The following KLHL32 variants were observed in gnomAD, a reference collection of about 807,000 sequenced individuals.
The protein encoded by KLHL32 is kelch-like protein 32.
A neutral mutation model predicts 64.8 loss-of-function variants in KLHL32; 35 were observed. That is an observed-to-expected ratio of 0.54 (90% CI 0.41 to 0.72). KLHL32 has a LOEUF of 0.72. Among genes scored for constraint, KLHL32 ranks in the 30% least tolerant of loss-of-function variants. The pLI, the probability that KLHL32 is intolerant of heterozygous loss-of-function variation, is 0.00. For synonymous variants in KLHL32, 259 were observed against 281.0 expected, an observed-to-expected ratio of 0.92 and a Z score of 0.78; for missense variants, 589 against 768.5, an observed-to-expected ratio of 0.77 and a Z score of 2.76.
In KLHL32 at chr6:97,114,259, CT is replaced by C; in HGVS notation, c.1105del (p.Cys369ValfsTer13). 1.2e-6 allele frequency: 2 copies of C among 1,614,152 alleles called. No individual in the cohort carries two copies. Among genetic ancestry groups the C allele is most frequent in the Non-Finnish European group, 1.7e-6 (2 of 1,180,040 alleles). ...GCCGGACGTGTGCTGTGAGGACTGC[CT>C]GTCGCTATGACCCCCGCAGTAATTC... is the stretch of plus-strand genomic sequence containing the variant. ...SGRTCAVRTA[C>X]RYDPRSNSWA... On this transcript the variant is annotated frameshift_variant, in exon 7 of 11. Coordinates refer to ENST00000369261, the MANE Select transcript of KLHL32 (RefSeq NM_052904.4). LOFTEE classifies it high-confidence loss of function.
chr6:97,056,199 G>T (rs1226675925), intron 4 of KLHL32, among the ~76,000 whole-genome samples: 1 of 143,662 alleles, frequency 7.0e-6, no homozygotes, highest in South Asian at 2.2e-4. Flanking sequence ...TCCGCTTCCC[G>T]GGTTCACGCC....
the KLHL32 span, among the ~76,000 whole-genome samples, chr6:96,915,683 A>G: frequency 6.6e-6 from 1 of 151,746 alleles, no homozygotes; most frequent in South Asian, 2.1e-4. Flanking sequence ...TAATACTCAT[A>G]GAATTTTATT....
chr6:96,993,742 G>T (rs1374178410), intron 3 of KLHL32, among the ~76,000 whole-genome samples: 1 of 152,122 alleles, frequency 6.6e-6, no homozygotes, highest in East Asian at 1.9e-4. Flanking sequence ...AAACAAAGGA[G>T]TTTATCCTCA....
intron 2 of KLHL32, among the ~76,000 whole-genome samples, chr6:96,970,851 ATTATT>A (rs1208087863): frequency 1.3e-5 from 2 of 152,300 alleles, no homozygotes; most frequent in East Asian, 3.9e-4. Context: ...TAGAAATGAA[ATTATT>A]TTATTATAGG....
chr6:96,915,711 A>C, the KLHL32 span, among the ~76,000 whole-genome samples: 1 of 152,324 alleles, frequency 6.6e-6, no homozygotes, highest in Non-Finnish European at 1.5e-5. Context: ...AGAATTAATA[A>C]TGCTCTGTAA....
intron 1 of KLHL32, among the ~76,000 whole-genome samples, chr6:96,937,860 T>C (rs983584446): frequency 6.6e-6 from 1 of 152,204 alleles, no homozygotes; most frequent in African/African-American, 2.4e-5. Context: ...CATGTCACTC[T>C]TCTTTCTAAA....
chr6:96,987,320 C>T (rs751237305), intron 3 of KLHL32, among the ~76,000 whole-genome samples: 7 of 152,098 alleles, frequency 4.6e-5, no homozygotes, highest in Non-Finnish European at 1.0e-4. Context: ...AATTTTAGAT[C>T]TCTCCTGCTT....
At chr6:96,979,420 T>C (rs1319153762) in intron 3 of KLHL32, among the ~76,000 whole-genome samples, 2 of 152,212 alleles carry the variant, frequency 1.3e-5, no homozygotes, top group East Asian at 1.9e-4. Flanking sequence ...CTTGTTTTCA[T>C]TGACTTTGTC....
intron 4 of KLHL32, among the ~76,000 whole-genome samples, chr6:97,062,784 A>G (rs1257817551): frequency 1.3e-5 from 2 of 152,256 alleles, no homozygotes; most frequent in Non-Finnish European, 2.9e-5. Flanking sequence ...ATTAGCAAAT[A>G]GGCAAAAAGA....
chr6:96,925,261 C>T (rs2127984363), intron 1 of KLHL32, among the ~76,000 whole-genome samples: 1 of 152,300 alleles, frequency 6.6e-6, no homozygotes, highest in African/African-American at 2.4e-5. Context: ...GTACTGTGCT[C>T]CTTGGTTGCC....
chr6:96,963,486 C>G (rs1774100339), intron 1 of KLHL32, among the ~76,000 whole-genome samples: 1 of 152,082 alleles, frequency 6.6e-6, no homozygotes, highest in South Asian at 2.1e-4. Flanking sequence ...GAAAACGGTA[C>G]CCTGTGTTTA....
chr6:97,019,603 G>T (rs1369155937), intron 3 of KLHL32, among the ~76,000 whole-genome samples: 1 of 152,166 alleles, frequency 6.6e-6, no homozygotes. Flanking sequence ...AGCTAGGAAT[G>T]AAGAATTCTT....
intron 6 of KLHL32, chr6:97,105,504 A>G (rs993216041): frequency 1.5e-5 from 7 of 471,060 alleles, no homozygotes; most frequent in African/African-American, 1.2e-4. Context: ...GGCTTACCTC[A>G]ATGGGATGAC....
chr6:96,989,892 T>C (rs1210328299), intron 3 of KLHL32, among the ~76,000 whole-genome samples: 1 of 152,216 alleles, frequency 6.6e-6, no homozygotes. Flanking sequence ...TAAAAAAAAG[T>C]GCGATTATTA....
chr6:97,085,635 C>T (rs62413900), intron 6 of KLHL32, among the ~76,000 whole-genome samples: 1 of 152,160 alleles, frequency 6.6e-6, no homozygotes, highest in South Asian at 2.1e-4. Context: ...TGTTTTTTTC[C>T]TGATAAAAAT....
intron 3 of KLHL32, among the ~76,000 whole-genome samples, chr6:97,032,635 G>C (rs1783722550): frequency 6.6e-6 from 1 of 152,112 alleles, no homozygotes; most frequent in African/African-American, 2.4e-5. Flanking sequence ...TACGGGATTG[G>C]TGGCAAGCAG....
intron 3 of KLHL32, chr6:97,010,052 C>T (rs1161595212): frequency 7.1e-6 from 1 of 140,966 alleles, no homozygotes; most frequent in South Asian, 2.2e-4. Context: ...AATAAACAAA[C>T]TGAAATGGCC....
chr6:96,932,165 C>T (rs921992039), intron 1 of KLHL32, among the ~76,000 whole-genome samples: 43 of 150,384 alleles, frequency 2.9e-4, no homozygotes, highest in African/African-American at 1.1e-3. Flanking sequence ...ACTAGTCTTT[C>T]CTAGCCTGAT....
At position 96,948,887 on chromosome 6, in the gene KLHL32, C is replaced by A. The variant is rs561967570; in HGVS notation, c.-65-18109C>A. Reference sequence around the variant, plus strand: ...TCTCCTCCTCTTTTTCTGACTCATGCGAAAAAGTCATGTAGCAATTCAAAC... The same window carrying A: ...TCTCCTCCTCTTTTTCTGACTCATGAGAAAAAGTCATGTAGCAATTCAAAC... On this transcript the variant is annotated intron_variant, in intron 1 of 10. Coordinates refer to ENST00000369261, the MANE Select transcript of KLHL32 (RefSeq NM_052904.4). Among the ~76,000 whole-genome samples, 8 of 152,132 alleles carry A rather than the reference C, an allele frequency of 5.3e-5. No homozygotes were observed. In the East Asian group the frequency reaches 1.5e-3, roughly 29 times the overall value.
Sources: allele counts gnomAD v4.1 joint callset (sites outside exome capture counted in the v4.1 genomes callset), GRCh38; gene constraint gnomAD v4.1.1; transcripts MANE v1.5; gene names NCBI Gene and HGNC (gene_info 2026-07-23, HGNC 2026-07-21).